Variants in FANCD2OS observed in about 807,000 individuals in gnomAD.
FANCD2OS encodes the protein FANCD2 opposite strand protein.
A neutral mutation model predicts 13.2 loss-of-function variants in FANCD2OS; 11 were observed. That is an observed-to-expected ratio of 0.83 (90% CI 0.52 to 1.38). FANCD2OS has a LOEUF of 1.38. Among genes scored for constraint, FANCD2OS ranks in the 40% most tolerant of loss-of-function variants. The pLI, the probability that FANCD2OS is intolerant of heterozygous loss-of-function variation, is 0.00. For missense variants in FANCD2OS, 217 were observed against 213.9 expected, an observed-to-expected ratio of 1.01 and a Z score of -0.09; for synonymous variants, 69 against 84.5, an observed-to-expected ratio of 0.82 and a Z score of 1.01.
At chr3:10,089,004 T>G in intron 2 of FANCD2OS, 1 of 1,597,516 alleles carries the variant, frequency 6.3e-7, no homozygotes, top group Non-Finnish European at 8.6e-7. Context: ...ATCATCAGGC[T>G]GGGCACGGTG....
downstream of FANCD2OS, chr3:10,099,153 A>G: frequency 1.1e-5 from 16 of 1,454,738 alleles, no homozygotes; most frequent in Non-Finnish European, 1.3e-5. Context: ...GTTGAGAAGA[A>G]TGAGTTAAAC....
At chr3:10,085,465 C>T (rs1386588028) in intron 2 of FANCD2OS, among the ~76,000 whole-genome samples, 2 of 149,952 alleles carry the variant, frequency 1.3e-5, no homozygotes, top group Non-Finnish European at 1.5e-5. Context: ...AATCTCGGCT[C>T]ACTGCAGCCT....
downstream of FANCD2OS, chr3:10,099,251 G>A: frequency 7.7e-7 from 1 of 1,305,380 alleles, no homozygotes; most frequent in Non-Finnish European, 9.8e-7. Context: ...TGCCACCTTA[G>A]AGAACTGAAA....
chr3:10,083,770 C>G (rs1188332925), intron 2 of FANCD2OS: 1 of 151,460 alleles, frequency 6.6e-6, no homozygotes, highest in Non-Finnish European at 1.5e-5. Context: ...CGCCTGTAGT[C>G]CCAGCTACTC....
intron 2 of FANCD2OS, among the ~76,000 whole-genome samples, chr3:10,082,726 C>T (rs1242595993): frequency 2.0e-5 from 3 of 152,138 alleles, no homozygotes; most frequent in Non-Finnish European, 4.4e-5. Flanking sequence ...GCCTCTCTAA[C>T]CCCCAGTTCT....
At position 10,088,831 on chromosome 3, in the gene FANCD2OS, C is replaced by T. The variant is rs751864173; in HGVS notation, c.*44-7300G>A. The T allele has an allele frequency of 1.2e-6, 2 of 1,614,080 alleles. No individual in the cohort carries two copies. The highest frequency in any genetic ancestry group is 2.2e-5 in the South Asian group (2 of 91,082). On this transcript the variant is annotated intron_variant, in intron 2 of 2. Coordinates refer to the FANCD2OS transcript ENST00000524279. The stretch of plus-strand genomic sequence containing the variant: ...AAATATTTGACTCTCAATGCAGTAT[C>T]TACCTGGAGCACACAGAGAGCATTC...
intron 2 of FANCD2OS, among the ~76,000 whole-genome samples, chr3:10,085,573 G>A (rs1163297303): frequency 6.6e-6 from 1 of 151,858 alleles, no homozygotes; most frequent in Non-Finnish European, 1.5e-5. Context: ...TGTATTTTTA[G>A]TAGAGACGGG....
chr3:10,087,329 CAAA>C, intron 2 of FANCD2OS: 1 of 1,466,712 alleles, frequency 6.8e-7, no homozygotes, highest in Non-Finnish European at 9.1e-7. Context: ...CTCACACTTA[CAAA>C]CTTTGGGCTT....
intron 2 of FANCD2OS, chr3:10,094,405 T>C (rs983384697): frequency 6.5e-7 from 1 of 1,534,778 alleles, no homozygotes; most frequent in East Asian, 2.2e-5. Context: ...CACTGAAGAG[T>C]TGCTCAGAAG....
At chr3:10,097,018 C>T (rs890684101) in intron 2 of FANCD2OS, among the ~76,000 whole-genome samples, 2 of 152,202 alleles carry the variant, frequency 1.3e-5, no homozygotes, top group South Asian at 2.1e-4. Context: ...AGACATCACA[C>T]GTTGATAGGA....
chr3:10,108,325 G>A (rs899117663), upstream of FANCD2OS: 1 of 152,046 alleles, frequency 6.6e-6, no homozygotes, highest in African/African-American at 2.4e-5. Flanking sequence ...GACCCAGGAC[G>A]GCAGGGCAGC....
At chr3:10,082,757 G>A (rs896813774) in intron 2 of FANCD2OS, among the ~76,000 whole-genome samples, 27 of 152,068 alleles carry the variant, frequency 1.8e-4, no homozygotes, top group African/African-American at 6.0e-4. Context: ...TCTGGTATCC[G>A]TTCGTGATAA....
At chr3:10,087,864 G>A (rs962159681) in intron 2 of FANCD2OS, among the ~76,000 whole-genome samples, 1 of 151,940 alleles carries the variant, frequency 6.6e-6, no homozygotes, top group Non-Finnish European at 1.5e-5. Flanking sequence ...GGTCAGGCTG[G>A]TCTCGAACTC....
intron 2 of FANCD2OS, chr3:10,089,093 T>G: frequency 1.1e-6 from 1 of 912,430 alleles, no homozygotes; most frequent in South Asian, 1.3e-5. Context: ...GAGACCCACT[T>G]GGCCAACATA....
intron 1 of FANCD2OS, among the ~76,000 whole-genome samples, chr3:10,105,775 TATATATA>T (rs1695474404): frequency 3.9e-4 from 4 of 10,258 alleles, no homozygotes; most frequent in Admixed American, 1.0e-3. Flanking sequence ...AAAAAAATTA[TATATATA>T]TATATATATA....
At chr3:10,088,596 C>T (rs958261095) in intron 2 of FANCD2OS, 12 of 1,307,328 alleles carry the variant, frequency 9.2e-6, no homozygotes, top group South Asian at 3.5e-5. Flanking sequence ...TATTTTGCTA[C>T]TGTTGTTTGT....
Position 10,104,526 on chromosome 3 carries a change from G to A in FANCD2OS, c.249C>T (p.Asn83=), listed in dbSNP as rs752820641. Residue 83 remains asparagine, a synonymous_variant, in exon 2 of 2, where the codon AAC becomes AAT. Coordinates refer to ENST00000450660, the MANE Select transcript of FANCD2OS (RefSeq NM_001164839.2). ...GGGGCTTCCTGACCAGTCCTTTGTT[G>A]TTCATCGTGCGCAACTCTGATGTGT... ...PCHTSELRTM[N]NKGLVRKPQP... is the part of the protein sequence containing the mutation. 31 of 1,614,178 alleles carry A rather than the reference G, an allele frequency of 1.9e-5. No homozygotes were observed. Among genetic ancestry groups the A allele is most frequent in the Non-Finnish European group, 2.6e-5 (31 of 1,180,042 alleles).
intron 1 of FANCD2OS, among the ~76,000 whole-genome samples, chr3:10,107,584 G>GC (rs909289742): frequency 2.0e-5 from 3 of 151,544 alleles, no homozygotes; most frequent in Non-Finnish European, 4.4e-5. Flanking sequence ...CCGGGCCCGG[G>GC]CCCCCCGGAT....
downstream of FANCD2OS, among the ~76,000 whole-genome samples, chr3:10,103,406 AAAT>A (rs948616428): frequency 1.3e-5 from 2 of 152,112 alleles, no homozygotes; most frequent in African/African-American, 4.8e-5. Context: ...CCATCTCAAA[AAAT>A]AATAATAATA....
Sources: allele counts gnomAD v4.1 joint callset (sites outside exome capture counted in the v4.1 genomes callset), GRCh38; gene constraint gnomAD v4.1.1; transcripts MANE v1.5; gene names NCBI Gene and HGNC (gene_info 2026-07-23, HGNC 2026-07-21).